Variants in RALA observed in about 807,000 individuals in gnomAD.
RALA encodes the protein RAS like proto-oncogene A.
Under a neutral mutation model 24.0 loss-of-function variants are expected in RALA, and 5 were observed. The ratio of observed to expected loss-of-function variants is 0.21; its 90% CI spans 0.11 to 0.44. RALA has a LOEUF of 0.44. RALA is among the 20% of genes least tolerant of loss of function. The pLI is 0.99. For missense variants in RALA, 95 were observed against 241.2 expected, an observed-to-expected ratio of 0.39 and a Z score of 4.01; for synonymous variants, 77 against 83.8, an observed-to-expected ratio of 0.92 and a Z score of 0.44.
chr7:39,632,207 C>G (rs371646956), intron 1 of RALA, among the ~76,000 whole-genome samples: 5 of 152,316 alleles, frequency 3.3e-5, no homozygotes, highest in South Asian at 2.1e-4. Flanking sequence ...AGACACACAT[C>G]CAAATCATAT....
At chr7:39,647,903 C>T (rs368841637) in intron 1 of RALA, among the ~76,000 whole-genome samples, 2 of 152,132 alleles carry the variant, frequency 1.3e-5, no homozygotes, top group African/African-American at 4.8e-5. Context: ...TCCTGCTTTT[C>T]AGTGTTATTA....
chr7:39,662,590 C>A (rs1432443558), intron 1 of RALA, among the ~76,000 whole-genome samples: 1 of 152,180 alleles, frequency 6.6e-6, no homozygotes, highest in Non-Finnish European at 1.5e-5. Context: ...TAGCAAGAGT[C>A]ACCTTTACTC....
At chr7:39,674,359 G>T (rs114306963) in intron 1 of RALA, among the ~76,000 whole-genome samples, 21 of 152,236 alleles carry the variant, frequency 1.4e-4, no homozygotes, top group African/African-American at 5.1e-4. Context: ...ATACTCATAT[G>T]ATTTTTTTCA....
intron 1 of RALA, among the ~76,000 whole-genome samples, chr7:39,681,424 T>C (rs111964912): frequency 0.029 from 4,332 of 147,654 alleles, 226 homozygotes; most frequent in African/African-American, 0.1. Context: ...GTTCAGGCGA[T>C]TCTCATGCCT....
chr7:39,673,308 A>G (rs1792421795), intron 1 of RALA, among the ~76,000 whole-genome samples: 1 of 152,154 alleles, frequency 6.6e-6, no homozygotes, highest in Non-Finnish European at 1.5e-5. Flanking sequence ...TTTAATCATG[A>G]AGATATTTTT....
At chr7:39,653,694 G>A (rs928706340) in intron 1 of RALA, among the ~76,000 whole-genome samples, 11 of 151,994 alleles carry the variant, frequency 7.2e-5, no homozygotes, top group Admixed American at 4.6e-4. Flanking sequence ...TTATTTTTTA[G>A]GACCTTTTTG....
intron 1 of RALA, among the ~76,000 whole-genome samples, chr7:39,659,683 G>C (rs1417466726): frequency 6.6e-6 from 1 of 152,100 alleles, no homozygotes; most frequent in Non-Finnish European, 1.5e-5. Context: ...GAATCTCTGG[G>C]TAAATAGGCA....
intron 1 of RALA, among the ~76,000 whole-genome samples, chr7:39,631,825 T>C (rs910111948): frequency 4.6e-5 from 7 of 152,238 alleles, no homozygotes; most frequent in Non-Finnish European, 1.0e-4. Flanking sequence ...TCTTTTGCAT[T>C]GCTATGAAAG....
intron 3 of RALA, among the ~76,000 whole-genome samples, chr7:39,693,428 G>T (rs1450282363): frequency 1.3e-5 from 2 of 152,018 alleles, no homozygotes; most frequent in African/African-American, 2.4e-5. Flanking sequence ...TGGGGTGGGG[G>T]ACTGGGGGAG....
intron 1 of RALA, among the ~76,000 whole-genome samples, chr7:39,662,628 A>G (rs1181729034): frequency 6.6e-6 from 1 of 152,074 alleles, no homozygotes. Flanking sequence ...CTCATCTCCC[A>G]TCTGAGACCA....
At chr7:39,675,810 T>A (rs151133461) in intron 1 of RALA, among the ~76,000 whole-genome samples, 1 of 152,018 alleles carries the variant, frequency 6.6e-6, no homozygotes, top group East Asian at 1.9e-4. Context: ...CTTCTGAAAT[T>A]GTTCATTTTA....
At chr7:39,689,470 A>G (rs1219003351) in intron 2 of RALA, among the ~76,000 whole-genome samples, 1 of 152,244 alleles carries the variant, frequency 6.6e-6, no homozygotes, top group East Asian at 1.9e-4. Context: ...GATGAATAGC[A>G]TATGCAAGGT....
At chr7:39,627,256 T>C (rs1449035608) in intron 1 of RALA, among the ~76,000 whole-genome samples, 1 of 152,180 alleles carries the variant, frequency 6.6e-6, no homozygotes, top group Non-Finnish European at 1.5e-5. Context: ...TTCTAAAATA[T>C]GTATGAGTAA....
At chr7:39,682,275 T>G (rs1334297800) in intron 1 of RALA, among the ~76,000 whole-genome samples, 2 of 152,166 alleles carry the variant, frequency 1.3e-5, no homozygotes, top group Non-Finnish European at 2.9e-5. Flanking sequence ...ATAGGTGGTA[T>G]TAGTAGTTAT....
At chr7:39,624,990 A>G (rs1583697128) in intron 1 of RALA, among the ~76,000 whole-genome samples, 2 of 152,166 alleles carry the variant, frequency 1.3e-5, no homozygotes, top group East Asian at 3.9e-4. Flanking sequence ...ATACACTATT[A>G]TTGTGAAGTA....
intron 1 of RALA, among the ~76,000 whole-genome samples, chr7:39,675,757 A>C (rs13225997): frequency 0.66 from 98,279 of 148,896 alleles, 33,098 homozygotes; most frequent in African/African-American, 0.79. Context: ...AAAAAAAAAA[A>C]AAAACTGTAT....
chr7:39,639,582 G>C (rs1437751585), intron 1 of RALA, among the ~76,000 whole-genome samples: 2 of 152,122 alleles, frequency 1.3e-5, no homozygotes, highest in African/African-American at 2.4e-5. Context: ...AGTAGAGGGA[G>C]AGAAATAATA....
intron 1 of RALA, among the ~76,000 whole-genome samples, chr7:39,674,683 A>C (rs908350282): frequency 6.6e-6 from 1 of 152,190 alleles, no homozygotes; most frequent in Non-Finnish European, 1.5e-5. Context: ...GAAGTGTTTC[A>C]AGATTTTTTT....
chr7:39,684,849 G>C (rs74862637), intron 1 of RALA, among the ~76,000 whole-genome samples: 4,383 of 152,258 alleles, frequency 0.029, 225 homozygotes, highest in African/African-American at 0.099. Flanking sequence ...ATTTCTCAGG[G>C]TTAAGTCAGA....
Sources: gnomAD v4.1 joint callset for allele counts (sites outside exome capture counted in the v4.1 genomes callset) on GRCh38, gnomAD v4.1.1 for gene constraint, MANE v1.5 for transcripts, NCBI Gene and HGNC (gene_info 2026-07-23, HGNC 2026-07-21) for gene names.